Variants in SAMMSON observed in about 807,000 individuals in gnomAD.
The protein encoded by SAMMSON is long intergenic non-protein coding RNA 1212.
intron 6 of SAMMSON, among the ~76,000 whole-genome samples, chr3:70,256,401 T>A (rs1433203749): frequency 1.3e-5 from 2 of 152,248 alleles, no homozygotes; most frequent in African/African-American, 4.8e-5. Flanking sequence ...TAAAATGCCA[T>A]GCTGACTGTA....
chr3:70,418,940 C>CTTTCCTTTCCTTTCCTTTCA (rs1701286576), intron 2 of SAMMSON, among the ~76,000 whole-genome samples: 1 of 91,474 alleles, frequency 1.1e-5, no homozygotes, highest in Non-Finnish European at 2.5e-5. Flanking sequence ...CTTTCCTTTC[C>CTTTCCTTTCCTTTCCTTTCA]TTTCCTTTCC....
intron 1 of SAMMSON, among the ~76,000 whole-genome samples, chr3:70,007,003 T>G (rs2066930239): frequency 6.6e-6 from 1 of 152,210 alleles, no homozygotes; most frequent in African/African-American, 2.4e-5. Context: ...CTGCATAGTA[T>G]TCCATGGTGT....
chr3:70,360,520 T>C (rs1241396558), intron 9 of SAMMSON, among the ~76,000 whole-genome samples: 1 of 152,156 alleles, frequency 6.6e-6, no homozygotes. Context: ...TTCACCAGAC[T>C]AAACGCACTC....
chr3:70,306,480 A>C (rs1475095677), intron 7 of SAMMSON, among the ~76,000 whole-genome samples: 1 of 152,050 alleles, frequency 6.6e-6, no homozygotes, highest in African/African-American at 2.4e-5. Flanking sequence ...AGCTATACTT[A>C]ATTCAAAATA....
intron 3 of SAMMSON, among the ~76,000 whole-genome samples, chr3:70,020,841 C>T (rs762689063): frequency 3.9e-5 from 6 of 152,078 alleles, no homozygotes; most frequent in Admixed American, 2.0e-4. Context: ...CTGTAGGAAA[C>T]ATGCATCCTT....
intron 1 of SAMMSON, among the ~76,000 whole-genome samples, chr3:70,007,625 T>TTG: frequency 6.6e-6 from 1 of 152,160 alleles, no homozygotes. Context: ...GTTTTTTTTT[T>TTG]GCTGTGCAGA....
intron 4 of SAMMSON, among the ~76,000 whole-genome samples, chr3:70,171,888 A>G (rs574844101): frequency 6.6e-6 from 1 of 152,048 alleles, no homozygotes; most frequent in Admixed American, 6.6e-5. Flanking sequence ...AGAGGTATAG[A>G]ATTCAGCTGA....
chr3:70,305,606 C>T (rs749399989), intron 7 of SAMMSON, among the ~76,000 whole-genome samples: 3 of 152,130 alleles, frequency 2.0e-5, no homozygotes, highest in Non-Finnish European at 2.9e-5. Context: ...GTTTCTTTGT[C>T]TCACATGTTT....
At chr3:70,277,650 AAAGTATGGTC>A (rs1284972680) in intron 6 of SAMMSON, among the ~76,000 whole-genome samples, 20 of 152,140 alleles carry the variant, frequency 1.3e-4, no homozygotes, top group African/African-American at 4.8e-4. Flanking sequence ...TCTTCTAATG[AAAGTATGGTC>A]GAGTATGGGG....
intron 4 of SAMMSON, among the ~76,000 whole-genome samples, chr3:70,138,981 A>C (rs1431882052): frequency 1.3e-5 from 2 of 152,292 alleles, no homozygotes; most frequent in African/African-American, 4.8e-5. Context: ...TCCTAGGCTC[A>C]AGTGACCCTC....
At chr3:70,364,904 G>A (rs1026455559) in intron 9 of SAMMSON, among the ~76,000 whole-genome samples, 7 of 150,798 alleles carry the variant, frequency 4.6e-5, no homozygotes, top group Admixed American at 1.3e-4. Context: ...TTTCATGTTC[G>A]TTTCTACTAT....
At chr3:70,175,309 G>A (rs897255921) in intron 4 of SAMMSON, among the ~76,000 whole-genome samples, 3 of 152,018 alleles carry the variant, frequency 2.0e-5, no homozygotes, top group Admixed American at 6.6e-5. Context: ...TAATACATAT[G>A]TCCTTCCTTT....
At chr3:70,300,681 T>C (rs573446212) in intron 7 of SAMMSON, among the ~76,000 whole-genome samples, 2 of 152,260 alleles carry the variant, frequency 1.3e-5, no homozygotes, top group East Asian at 3.9e-4. Context: ...GAGACTGATA[T>C]TTGTTAAGTA....
At chr3:70,382,222 T>C (rs1703075069) in intron 9 of SAMMSON, among the ~76,000 whole-genome samples, 1 of 152,116 alleles carries the variant, frequency 6.6e-6, no homozygotes, top group Admixed American at 6.6e-5. Flanking sequence ...AAAAAGAAAA[T>C]TTATCTGAGA....
intron 4 of SAMMSON, among the ~76,000 whole-genome samples, chr3:70,157,849 C>A (rs899656589): frequency 6.6e-6 from 1 of 151,996 alleles, no homozygotes; most frequent in African/African-American, 2.4e-5. Context: ...CTCAGAGAGG[C>A]AAAATCACTT....
rs183575359 is a variant in SAMMSON, at chr3:70,012,859, T to C, written n.264+261T>C. On this transcript the variant is annotated intron_variant and non_coding_transcript_variant, in intron 2 of 9. Transcript: ENST00000642114. ...GTTGTCAATGGGAAGTTCTCGTACA[T>C]AGATAGGATGGTATAAGGGTCTTGG... Among the ~76,000 whole-genome samples, 190 of 152,200 alleles carry C rather than the reference T, an allele frequency of 1.2e-3. 2 individuals are homozygous for C. The highest frequency in any genetic ancestry group is 4.5e-3 in the African/African-American group (187 of 41,512).
chr3:70,353,271 C>T (rs1185217285), intron 7 of SAMMSON, among the ~76,000 whole-genome samples: 2 of 151,806 alleles, frequency 1.3e-5, no homozygotes, highest in African/African-American at 2.4e-5. Context: ...AAACTTTTCT[C>T]ATAAAAGAAT....
intron 6 of SAMMSON, among the ~76,000 whole-genome samples, chr3:70,283,403 G>T (rs1356050332): frequency 2.0e-5 from 3 of 152,062 alleles, no homozygotes; most frequent in Non-Finnish European, 4.4e-5. Flanking sequence ...TCAGGCTGAC[G>T]AATACTGAAA....
At chr3:70,131,814 T>C (rs1044026090) in intron 4 of SAMMSON, among the ~76,000 whole-genome samples, 3 of 152,024 alleles carry the variant, frequency 2.0e-5, no homozygotes, top group African/African-American at 7.2e-5. Context: ...CTGATCCCAA[T>C]TGATCCACCC....
Sources: gnomAD v4.1 joint callset for allele counts (sites outside exome capture counted in the v4.1 genomes callset) on GRCh38, gnomAD v4.1.1 for gene constraint, MANE v1.5 for transcripts, NCBI Gene and HGNC (gene_info 2026-07-23, HGNC 2026-07-21) for gene names.